The following FGF2 variants were observed in gnomAD, a reference collection of about 807,000 sequenced individuals.
FGF2 encodes fibroblast growth factor 2, also known as basic fibroblast growth factor bFGF.
Under a neutral mutation model 15.9 loss-of-function variants are expected in FGF2, and 13 were observed. The ratio of observed to expected loss-of-function variants is 0.82; its 90% CI spans 0.53 to 1.30. The LOEUF (loss-of-function observed/expected upper bound fraction) is 1.30, where lower values mean the gene tolerates loss of function less well. Among genes scored for constraint, FGF2 ranks in the 50% most tolerant of loss-of-function variants. The pLI, the probability that FGF2 is intolerant of heterozygous loss-of-function variation, is 0.00. For missense variants in FGF2, 163 were observed against 196.9 expected (o/e 0.83, Z 1.03); for synonymous variants, 90 against 78.4 (o/e 1.15, Z -0.78).
intron 1 of FGF2, among the ~76,000 whole-genome samples, chr4:122,859,445 A>T (rs1273878598): frequency 6.6e-6 from 1 of 152,242 alleles, no homozygotes; most frequent in Non-Finnish European, 1.5e-5. Flanking sequence ...ATGGTAAGAC[A>T]TTATATAAGC....
At chr4:122,836,785 T>C (rs1724135031) in intron 1 of FGF2, among the ~76,000 whole-genome samples, 1 of 152,228 alleles carries the variant, frequency 6.6e-6, no homozygotes, top group African/African-American at 2.4e-5. Context: ...AGCACTGTAG[T>C]TCTTTTCTGC....
At chr4:122,882,369 A>C (rs546597957) in intron 2 of FGF2, 2 of 152,370 alleles carry the variant, frequency 1.3e-5, no homozygotes, top group African/African-American at 4.8e-5. Context: ...AAGATGAGAC[A>C]AGTTAAAAGA....
chr4:122,891,642 G>C (rs11938657), intron 2 of FGF2, among the ~76,000 whole-genome samples: 17,580 of 152,050 alleles, frequency 0.12, 1,104 homozygotes, highest in Middle Eastern at 0.21. Context: ...TCATTATTAT[G>C]CCTTAAAAAA....
chr4:122,859,578 G>A (rs1459278972), intron 1 of FGF2, among the ~76,000 whole-genome samples: 1 of 151,216 alleles, frequency 6.6e-6, no homozygotes, highest in Non-Finnish European at 1.5e-5. Context: ...TCAAAACAAA[G>A]CAGGTAGGGT....
chr4:122,886,912 T>C (rs1014984820), intron 2 of FGF2, among the ~76,000 whole-genome samples: 18 of 151,890 alleles, frequency 1.2e-4, no homozygotes, highest in African/African-American at 4.1e-4. Context: ...GAAGTATCTT[T>C]GCTTCTAAGC....
At chr4:122,874,180 A>T (rs1726792996) in intron 1 of FGF2, among the ~76,000 whole-genome samples, 1 of 152,236 alleles carries the variant, frequency 6.6e-6, no homozygotes. Flanking sequence ...TTCTTCATTA[A>T]AATGGCTTAT....
intron 1 of FGF2, among the ~76,000 whole-genome samples, chr4:122,853,527 G>T (rs1447984869): frequency 6.6e-6 from 1 of 152,086 alleles, no homozygotes; most frequent in Non-Finnish European, 1.5e-5. Context: ...GTTGCTATTT[G>T]TACTTTTGAG....
chr4:122,844,571 T>TTC (rs1553947416), intron 1 of FGF2, among the ~76,000 whole-genome samples: 2,286 of 128,010 alleles, frequency 0.018, 37 homozygotes, highest in East Asian at 0.073. Flanking sequence ...CTTTCTTTCT[T>TTC]TTTCTTTCTT....
In FGF2 at chr4:122,893,017, C is replaced by T. The variant is rs776567689; in HGVS notation, c.*621C>T. 1.4e-5 allele frequency: 23 copies of T among 1,614,120 alleles called. No individual in the cohort carries two copies. In the South Asian group the frequency reaches 2.2e-4, roughly 15 times the overall value. On this transcript the variant is annotated 3_prime_UTR_variant, in exon 3 of 3. Transcript: ENST00000644866. ...TGGGAGTTGTATTTTCAGTCTTCGC[C>T]AGGTCATTGAGATCCATCCACTCAC...
intron 1 of FGF2, among the ~76,000 whole-genome samples, chr4:122,875,696 A>C (rs887573396): frequency 1.3e-5 from 2 of 152,134 alleles, no homozygotes; most frequent in Non-Finnish European, 2.9e-5. Flanking sequence ...AGTCCCAGCT[A>C]CTTGGGAGAC....
chr4:122,860,269 G>T (rs914442009), intron 1 of FGF2, among the ~76,000 whole-genome samples: 1 of 151,422 alleles, frequency 6.6e-6, no homozygotes, highest in Admixed American at 6.6e-5. Flanking sequence ...TAAATAAACC[G>T]AATTTTTATA....
At chr4:122,856,630 T>C (rs987793838) in intron 1 of FGF2, among the ~76,000 whole-genome samples, 8 of 152,220 alleles carry the variant, frequency 5.3e-5, no homozygotes, top group African/African-American at 9.6e-5. Flanking sequence ...TAAATTAAAT[T>C]TTAAAATTTT....
At chr4:122,877,568 A>T (rs1726882169) in intron 2 of FGF2, among the ~76,000 whole-genome samples, 1 of 152,248 alleles carries the variant, frequency 6.6e-6, no homozygotes, top group African/African-American at 2.4e-5. Context: ...ATGTATAAAG[A>T]ATGGTGCAGG....
In FGF2 at chr4:122,827,032, G is replaced by A. The variant is rs1725649792; in HGVS notation, c.-143G>A. The A allele has an allele frequency of 4.3e-6, 5 of 1,170,340 alleles. No individual in the cohort carries two copies. In the East Asian group the frequency reaches 1.5e-4, roughly 36 times the overall value. The allele number at this position is 1,170,340 out of a possible 1,614,324, so 72.5% of individuals were successfully genotyped here. A position where few individuals can be genotyped will look rare whatever the true frequency, so the allele number is the denominator to read the frequency against. On this transcript the variant is annotated 5_prime_UTR_variant, in exon 1 of 3. Coordinates refer to ENST00000644866, the MANE Select transcript of FGF2 (RefSeq NM_001361665.2). This position sits in a 1 kb window ranked among gnomAD's most constrained non-coding sequence, Gnocchi z 4.2. ...AGGCTGGGGGACCGCGGGCGCGGCC[G>A]CGCGCTGCCGGGCGGGAGGCTGGGG...
rs1434889412 is a variant in FGF2 at position 122,827,287 on chromosome 4, G to T, written c.113G>T (p.Gly38Val). Reference sequence around the variant, plus strand: ...AAGCGGCTGTACTGCAAAAACGGGGGCTTCTTCCTGCGCATCCACCCCGAC... The same window carrying T: ...AAGCGGCTGTACTGCAAAAACGGGGTCTTCTTCCTGCGCATCCACCCCGAC... The part of the protein sequence containing the change: ...DPKRLYCKNG[G>V]FFLRIHPDGR... The change falls in exon 1 of 3, where the codon GGC becomes GTC. Residue 38 changes from glycine to valine, a missense_variant. Transcript: ENST00000644866. The surrounding 1 kb of genome is among the most constrained non-coding windows in gnomAD (Gnocchi z 4.2). 1.9e-6 allele frequency: 3 copies of T among 1,612,966 alleles called. No homozygotes were observed. Among genetic ancestry groups the T allele is most frequent in the Non-Finnish European group, 2.5e-6 (3 of 1,179,900 alleles).
intron 1 of FGF2, among the ~76,000 whole-genome samples, chr4:122,851,597 A>G (rs2150771723): frequency 6.6e-6 from 1 of 152,344 alleles, no homozygotes; most frequent in Non-Finnish European, 1.5e-5. Context: ...TTTAAAGTAT[A>G]TAGATAGAAT....
At chr4:122,830,774 A>C (rs980817451) in intron 1 of FGF2, among the ~76,000 whole-genome samples, 9 of 141,224 alleles carry the variant, frequency 6.4e-5, no homozygotes, top group African/African-American at 2.4e-4. Context: ...TATGCTGCTT[A>C]TGTACACTTA....
intron 1 of FGF2, among the ~76,000 whole-genome samples, chr4:122,830,636 A>G (rs1209519665): frequency 6.6e-6 from 1 of 152,020 alleles, no homozygotes; most frequent in Non-Finnish European, 1.5e-5. Context: ...GCCTCTTTCA[A>G]TGCGGTGGGA....
intron 2 of FGF2, among the ~76,000 whole-genome samples, chr4:122,891,021 C>CT (rs769084285): frequency 0.09 from 8,457 of 93,606 alleles, 837 homozygotes; most frequent in East Asian, 0.28. Context: ...AACAATTTAT[C>CT]TTTTTTTTTT....
Sources: allele counts gnomAD v4.1 joint callset (sites outside exome capture counted in the v4.1 genomes callset), GRCh38; gene constraint gnomAD v4.1.1; non-coding constraint Gnocchi (gnomAD v3.1); transcripts MANE v1.5; gene names NCBI Gene and HGNC (gene_info 2026-07-23, HGNC 2026-07-21).